NUTM2B: variants seen among roughly 807,000 people sequenced by gnomAD.
NUTM2B encodes the protein NUT family member 2B, also known as family with sequence similarity 22, member B.
In NUTM2B, 2 loss-of-function variants were observed where a neutral mutation model predicts 42.4. The observed-to-expected ratio is 0.05, with a 90% confidence interval of 0.02 to 0.15. The LOEUF is 0.15. Among genes scored for constraint, NUTM2B ranks in the 10% least tolerant of loss-of-function variants. The probability of loss-of-function intolerance (pLI) is 1.00; values close to 1 mark genes in which losing one functional copy is unlikely to be tolerated. For missense variants in NUTM2B, 58 were observed against 952.6 expected, an observed-to-expected ratio of 0.06 and a Z score of 12.36; for synonymous variants, 18 against 402.4, an observed-to-expected ratio of 0.04 and a Z score of 11.43.
At chr10:79,694,466 C>T in the NUTM2B span, among the ~76,000 whole-genome samples, 2 of 152,102 alleles carry the variant, frequency 1.3e-5, no homozygotes, top group South Asian at 4.2e-4. Context: ...GCGCTTGCCA[C>T]TCCAGGGGCA....
rs1195923895 is a variant in NUTM2B, at chr10:79,708,989, C to T, written c.1211+162C>T. The stretch of plus-strand genomic sequence containing the variant: ...TCCCTCAGGAAGCTGCTCCTGCCAC[C>T]TAGAGTGTTCTGGGGTCTCTGTCCT... On this transcript the variant is annotated intron_variant, in intron 3 of 6. Transcript: ENST00000429828. Among the ~76,000 whole-genome samples, 5 of 126,442 alleles carry T rather than the reference C, an allele frequency of 4.0e-5. No individual in the cohort carries two copies. The East Asian group carries it at 1.4e-3, about 35-fold the overall frequency. 83.0% of individuals were successfully genotyped at this position (126,442 alleles called of 152,430 possible).
upstream of NUTM2B, among the ~76,000 whole-genome samples, chr10:79,700,217 C>T (rs4980102): frequency 0.23 from 34,687 of 150,024 alleles, 1,997 homozygotes; most frequent in East Asian, 0.56. Context: ...TTAGAACATG[C>T]ATGCTGGCTG....
At chr10:79,700,680 G>A (rs547065914), upstream of NUTM2B, among the ~76,000 whole-genome samples, 2 of 152,154 alleles carry the variant, frequency 1.3e-5, no homozygotes, top group East Asian at 1.9e-4. Context: ...CCATGAGAGC[G>A]AAGGCCGGTG....
At chr10:79,692,697 C>T in the NUTM2B span, among the ~76,000 whole-genome samples, 51 of 152,316 alleles carry the variant, frequency 3.3e-4, no homozygotes, top group Admixed American at 9.1e-4. Context: ...TGGTAGAACA[C>T]CCCATCTCTC....
At chr10:79,702,516 G>A (rs1343397830), upstream of NUTM2B, among the ~76,000 whole-genome samples, 7 of 151,674 alleles carry the variant, frequency 4.6e-5, no homozygotes, top group African/African-American at 7.3e-5. Flanking sequence ...CAGTGTGGCC[G>A]CTGTTACATT....
At chr10:79,694,294 G>A in the NUTM2B span, among the ~76,000 whole-genome samples, 3 of 152,006 alleles carry the variant, frequency 2.0e-5, no homozygotes, top group African/African-American at 7.3e-5. Context: ...CTACTCTGGA[G>A]GCTGACGCAG....
At chr10:79,709,655 C>T in intron 3 of NUTM2B, 145 bp from the exon 4 acceptor site, 1 of 1,296,988 alleles carries the variant, frequency 7.7e-7, no homozygotes, top group Middle Eastern at 2.9e-4. Flanking sequence ...GCAGTTTTCT[C>T]CTGGGACTGG....
upstream of NUTM2B, among the ~76,000 whole-genome samples, chr10:79,702,542 C>T (rs1840330054): frequency 6.6e-6 from 1 of 151,554 alleles, no homozygotes; most frequent in African/African-American, 2.4e-5. Context: ...GCAACTCTGC[C>T]TTCTTGAGTC....
chr10:79,698,680 C>G (rs915980295), upstream of NUTM2B, among the ~76,000 whole-genome samples: 1 of 129,456 alleles, frequency 7.7e-6, no homozygotes, highest in African/African-American at 2.9e-5. Flanking sequence ...AGAACCTCAT[C>G]TCTCTATCAG....
At chr10:79,694,508 G>A in the NUTM2B span, among the ~76,000 whole-genome samples, 1 of 152,014 alleles carries the variant, frequency 6.6e-6, no homozygotes, top group South Asian at 2.1e-4. Context: ...CCATCGACAG[G>A]GTTCTCAGAA....
At chr10:79,694,453 G>A in the NUTM2B span, among the ~76,000 whole-genome samples, 1 of 152,018 alleles carries the variant, frequency 6.6e-6, no homozygotes, top group Non-Finnish European at 1.5e-5. Context: ...CTGAAGCTGA[G>A]ATGCGCTTGC....
chr10:79,696,239 G>T, the NUTM2B span, among the ~76,000 whole-genome samples: 2 of 150,636 alleles, frequency 1.3e-5, no homozygotes, highest in South Asian at 4.3e-4. Context: ...ATGCTTAAGT[G>T]GTGTAAGTAT....
chr10:79,709,003 G>A (rs1251829964), intron 3 of NUTM2B, among the ~76,000 whole-genome samples, 176 bp downstream of exon 3: 2 of 124,972 alleles, frequency 1.6e-5, no homozygotes, highest in Non-Finnish European at 3.3e-5. Flanking sequence ...AGTGTTCTGG[G>A]GTCTCTGTCC....
chr10:79,711,994 T>A, exon 7 of NUTM2B: 1 of 1,365,054 alleles, frequency 7.3e-7, no homozygotes, highest in Non-Finnish European at 9.6e-7. Context: ...CTGGCCAACC[T>A]CTCCTCCCCA....
At chr10:79,700,840 G>A (rs1444781666), upstream of NUTM2B, among the ~76,000 whole-genome samples, 1 of 152,180 alleles carries the variant, frequency 6.6e-6, no homozygotes. Flanking sequence ...CCAGGAGCCC[G>A]CCCTAGGAGG....
chr10:79,694,083 T>C, the NUTM2B span, among the ~76,000 whole-genome samples: 4 of 152,080 alleles, frequency 2.6e-5, no homozygotes, highest in Non-Finnish European at 5.9e-5. Flanking sequence ...GAGAAACTAA[T>C]GGAAGGTTGA....
In NUTM2B at chr10:79,708,995, T is replaced by A. The variant is rs1840441367; in HGVS notation, c.1211+168T>A. On this transcript the variant is annotated intron_variant, in intron 3 of 6. Transcript: ENST00000429828. ...AGGAAGCTGCTCCTGCCACCTAGAG[T>A]GTTCTGGGGTCTCTGTCCTGGCCTA... Among the ~76,000 whole-genome samples, 4 of 124,836 alleles carry A rather than the reference T, an allele frequency of 3.2e-5. 1 individual carries two copies. In the South Asian group the frequency reaches 1.3e-3, roughly 41 times the overall value. The allele number at this position is 124,836 out of a possible 152,430, so 81.9% of individuals were successfully genotyped here.
chr10:79,699,025 G>A (rs183401459), upstream of NUTM2B, among the ~76,000 whole-genome samples: 239 of 152,078 alleles, frequency 1.6e-3, no homozygotes, highest in African/African-American at 5.5e-3. Flanking sequence ...AACTGCACAC[G>A]TTCATCCTAC....
upstream of NUTM2B, among the ~76,000 whole-genome samples, chr10:79,701,010 GCACTTAGGTAA>G (rs1462053802): frequency 3.3e-5 from 5 of 152,204 alleles, no homozygotes; most frequent in African/African-American, 1.2e-4. Context: ...TGCAGTCCAT[GCACTTAGGTAA>G]CACCCTTGCT....
Sources: gnomAD v4.1 joint callset for allele counts (sites outside exome capture counted in the v4.1 genomes callset) on GRCh38, gnomAD v4.1.1 for gene constraint, MANE v1.5 for transcripts, NCBI Gene and HGNC (gene_info 2026-07-23, HGNC 2026-07-21) for gene names.